The following CAMK2G variants were observed in gnomAD, a reference collection of about 807,000 sequenced individuals.
CAMK2G encodes calcium/calmodulin dependent protein kinase II gamma.
Under a neutral mutation model 88.7 loss-of-function variants are expected in CAMK2G, and 23 were observed. The ratio of observed to expected loss-of-function variants is 0.26; its 90% confidence interval spans 0.19 to 0.37. CAMK2G has a LOEUF of 0.37. Ranked by LOEUF, CAMK2G falls within the 10% of genes least tolerant of loss-of-function variation. The pLI is 1.00. For missense variants in CAMK2G, 476 were observed against 780.8 expected, an observed-to-expected ratio of 0.61 and a Z score of 4.65; for synonymous variants, 263 against 294.8, an observed-to-expected ratio of 0.89 and a Z score of 1.11.
chr10:73,814,246 TC>T lies in CAMK2G; in HGVS notation c.*271del, dbSNP rs2084749429. On this transcript the variant is annotated 3_prime_UTR_variant, in exon 23 of 23. Coordinates refer to ENST00000423381, the MANE Select transcript of CAMK2G (RefSeq NM_001367534.1). ...GGGCTGTCGGTGGTTTTAAAACGCA[TC>T]ATGGTATGGATTCCTTTTTTTTTTA... is the stretch of plus-strand genomic sequence containing the variant. 6.6e-6 allele frequency: 1 copy of T among 151,336 alleles called. No individual in the cohort carries two copies. Among genetic ancestry groups the T allele is most frequent in the Non-Finnish European group, 1.5e-5 (1 of 67,928 alleles). 9.4% of individuals were successfully genotyped at this position (151,336 alleles called of 1,614,324 possible). A position where few individuals can be genotyped will look rare whatever the true frequency, so the allele number is the denominator to read the frequency against.
chr10:73,834,458 C>T (rs2092957648), intron 14 of CAMK2G, among the ~76,000 whole-genome samples: 1 of 152,168 alleles, frequency 6.6e-6, no homozygotes, highest in Non-Finnish European at 1.5e-5. Flanking sequence ...TCCCCACGCA[C>T]GTCCTCATTT....
Position 73,820,494 on chromosome 10 carries a change from T to A in CAMK2G, c.1250-849A>T, listed in dbSNP as rs7393407. ...TATATATATATATATATATATATAT[T>A]TTTTTTTTTTTTTTTTTCTTGAGAC... On this transcript the variant is annotated intron_variant, in intron 18 of 22. Transcript: ENST00000423381. Among the ~76,000 whole-genome samples the A allele has an allele frequency of 9.0e-3, 374 of 41,370 alleles. 1 individual carries two copies. Among genetic ancestry groups the A allele is most frequent in the East Asian group, 0.058 (71 of 1,230 alleles). 27.1% of individuals were successfully genotyped at this position (41,370 alleles called of 152,430 possible). A position where few individuals can be genotyped will look rare whatever the true frequency, so the allele number is the denominator to read the frequency against.
chr10:73,852,277 C>A lies in CAMK2G; in HGVS notation c.318G>T (p.Glu106Asp). The A allele has an allele frequency of 6.2e-7, 1 of 1,614,046 alleles. No homozygotes were observed. The highest frequency in any genetic ancestry group is 8.5e-7 in the Non-Finnish European group (1 of 1,179,902). Reference sequence around the variant, plus strand: ...ACCTGGCATCTGCTTCACTGTAGTACTCTCTGGCCACAATGTCTTCAAACA... The same window carrying A: ...ACCTGGCATCTGCTTCACTGTAGTAATCTCTGGCCACAATGTCTTCAAACA... ...GELFEDIVAR[E>D]YYSEADASHC... The change falls in exon 5 of 23, where the codon GAG (glutamate) becomes GAT (aspartate). Residue 106 changes from glutamate (E) to aspartate (D), a missense_variant. Physicochemically the swap from Glu to Asp is conservative, Grantham distance 45 (BLOSUM62 2). This residue lies in a region of CAMK2G where 164 missense variants were observed against 385.6 expected (regional missense o/e 0.43). Transcript: ENST00000423381.
chr10:73,817,383 C>T (rs1589733213), intron 20 of CAMK2G, 96 bp downstream of exon 20: 1 of 976,764 alleles, frequency 1.0e-6, no homozygotes, highest in South Asian at 1.3e-5. Flanking sequence ...GCCCAAGGTC[C>T]AACCTCCCTT....
At chr10:73,815,904 T>G in intron 21 of CAMK2G, 1 of 985,180 alleles carries the variant, frequency 1.0e-6, no homozygotes, top group African/African-American at 1.7e-5. Flanking sequence ...GAGATTCACA[T>G]TTTAGTTCAA....
chr10:73,814,995 A>G lies in CAMK2G; in HGVS notation c.*12+8T>C. On this transcript the variant is annotated splice_region_variant and intron_variant, in intron 22 of 22. Coordinates refer to ENST00000423381, the MANE Select transcript of CAMK2G (RefSeq NM_001367534.1). Reference sequence around the variant, plus strand: ...TTCCAGCCCCTCTCCCCCGTCAACCAGGTGCACCTGTGGCTGAGCTCACTG... The same window carrying G: ...TTCCAGCCCCTCTCCCCCGTCAACCGGGTGCACCTGTGGCTGAGCTCACTG... 6.3e-7 allele frequency: 1 copy of G among 1,579,804 alleles called. No homozygotes were observed. Among genetic ancestry groups the G allele is most frequent in the Non-Finnish European group, 8.7e-7 (1 of 1,151,150 alleles).
intron 18 of CAMK2G, among the ~76,000 whole-genome samples, chr10:73,820,488 A>ATTTTTT (rs1285081250): frequency 4.3e-5 from 2 of 46,534 alleles, no homozygotes; most frequent in Admixed American, 2.2e-4. Context: ...ATATATATAT[A>ATTTTTT]TATATTTTTT....
chr10:73,830,127 G>A (rs1177910140), intron 14 of CAMK2G, among the ~76,000 whole-genome samples: 4 of 152,176 alleles, frequency 2.6e-5, no homozygotes, highest in African/African-American at 4.8e-5. Context: ...TCCTGCATGA[G>A]AACCTGAGAT....
chr10:73,820,464 T>TTATATATATATATATATATA (rs71483976), intron 18 of CAMK2G, among the ~76,000 whole-genome samples: 1 of 74,084 alleles, frequency 1.3e-5, no homozygotes, highest in South Asian at 5.4e-4. Context: ...GGTTTTATAT[T>TTATATATATATATATATATA]TATATATATA....
intron 2 of CAMK2G, among the ~76,000 whole-genome samples, chr10:73,863,245 C>T (rs563169775): frequency 2.6e-5 from 4 of 152,260 alleles, no homozygotes; most frequent in Admixed American, 2.6e-4. Context: ...TGCCTGGGTT[C>T]AGCATGACCA....
intron 2 of CAMK2G, among the ~76,000 whole-genome samples, chr10:73,868,172 A>T (rs901569937): frequency 6.6e-6 from 1 of 152,132 alleles, no homozygotes; most frequent in Non-Finnish European, 1.5e-5. Context: ...CCCCTTCCCT[A>T]TCTCCAGTCT....
chr10:73,856,612 A>G (rs1444137747), intron 3 of CAMK2G, among the ~76,000 whole-genome samples: 1 of 152,222 alleles, frequency 6.6e-6, no homozygotes, highest in East Asian at 1.9e-4. Flanking sequence ...GAGCAGAGGG[A>G]CTATGGATGC....
Position 73,853,265 on chromosome 10 carries a change from G to C in CAMK2G, c.221-19C>G. On this transcript the variant is annotated intron_variant, in intron 3 of 22. Transcript: ENST00000423381. Reference sequence around the variant, plus strand: ...AGGCGCACTGCAAGAGAGGAGATGGGGACAGAGATTAACAGAGAGAAAACT... The same window carrying C: ...AGGCGCACTGCAAGAGAGGAGATGGCGACAGAGATTAACAGAGAGAAAACT... 1 of 1,610,172 alleles carries C rather than the reference G, an allele frequency of 6.2e-7. No individual in the cohort carries two copies. Among genetic ancestry groups the C allele is most frequent in the Non-Finnish European group, 8.5e-7 (1 of 1,176,436 alleles).
intron 4 of CAMK2G, chr10:73,852,924 A>C: frequency 2.0e-6 from 1 of 489,718 alleles, no homozygotes; most frequent in East Asian, 3.5e-5. Flanking sequence ...ACACTGAGAA[A>C]CAAGACAAAG....
chr10:73,849,392 C>T (rs1361422708), intron 5 of CAMK2G, 59 bp from the exon 6 acceptor site: 1 of 1,218,944 alleles, frequency 8.2e-7, no homozygotes, highest in Non-Finnish European at 1.2e-6. Context: ...CATCCACATC[C>T]ACAACCACAT....
chr10:73,869,728 A>C lies in CAMK2G; in HGVS notation c.160+3261T>G, dbSNP rs189270405. ...CACAAAGAGGAAAGCTTTTGCTTAC[A>C]TTTAGCTTCAAAAGAAATTTCTTCA... On this transcript the variant is annotated intron_variant, in intron 2 of 22. Transcript: ENST00000423381. 7.9e-5 allele frequency among the ~76,000 whole-genome samples: 12 copies of C among 152,390 alleles called. No homozygotes were observed. The South Asian group carries it at 1.4e-3, about 18-fold the overall frequency.
At chr10:73,829,579 C>T (rs1035558286) in intron 14 of CAMK2G, among the ~76,000 whole-genome samples, 2 of 152,000 alleles carry the variant, frequency 1.3e-5, no homozygotes, top group Admixed American at 6.6e-5. Flanking sequence ...GGATTACAAG[C>T]GTGAGCCACC....
chr10:73,829,907 T>C (rs2092123458), intron 14 of CAMK2G, among the ~76,000 whole-genome samples: 2 of 152,184 alleles, frequency 1.3e-5, no homozygotes. Context: ...TTCCCCAGGC[T>C]AAAGAAGAGC....
At position 73,874,507 on chromosome 10, in the gene CAMK2G, G is replaced by A; in HGVS notation, c.-46C>T. On this transcript the variant is annotated 5_prime_UTR_variant, in exon 1 of 23. Transcript: ENST00000423381. The stretch of plus-strand genomic sequence containing the variant: ...GGCGGTGCAGCCCGCGCCGACGTCG[G>A]TGCACAGTCACCGCCGCCCGGCCGA... The A allele has an allele frequency of 7.3e-7, 1 of 1,378,006 alleles. No individual in the cohort carries two copies. The highest frequency in any genetic ancestry group is 2.1e-4 in the Middle Eastern group (1 of 4,790). 85.4% of individuals were successfully genotyped at this position (1,378,006 alleles called of 1,614,324 possible).
Sources: gnomAD v4.1 joint callset for allele counts (sites outside exome capture counted in the v4.1 genomes callset) on GRCh38, gnomAD v4.1.1 for gene constraint, gnomAD v4.1.1 regional missense constraint, MANE v1.5 for transcripts, NCBI Gene and HGNC (gene_info 2026-07-23, HGNC 2026-07-21) for gene names.